The following EIF3E variants were observed in gnomAD, a reference collection of about 807,000 sequenced individuals.
The protein encoded by EIF3E is eIF-3 p48.
EIF3E carries 25 observed loss-of-function variants against 59.3 expected under a neutral mutation model. The ratio of observed to expected loss-of-function variants is 0.42; its 90% CI spans 0.31 to 0.59. The LOEUF (loss-of-function observed/expected upper bound fraction) is 0.59, where lower values mean the gene tolerates loss of function less well. Ranked by LOEUF, EIF3E falls within the 20% of genes least tolerant of loss-of-function variation. EIF3E has a pLI of 0.15. For missense variants in EIF3E, 317 were observed against 534.3 expected, an observed-to-expected ratio of 0.59 and a Z score of 4.01; for synonymous variants, 176 against 170.2, an observed-to-expected ratio of 1.03 and a Z score of -0.26.
intron 3 of EIF3E, among the ~76,000 whole-genome samples, chr8:108,237,118 A>T (rs1436608305): frequency 6.6e-6 from 1 of 152,258 alleles, no homozygotes; most frequent in Non-Finnish European, 1.5e-5. Flanking sequence ...ACCAAGTGCC[A>T]TATTTAATTT....
intron 5 of EIF3E, among the ~76,000 whole-genome samples, chr8:108,232,116 T>C (rs562698322): frequency 1.4e-4 from 22 of 152,268 alleles, no homozygotes; most frequent in Admixed American, 1.2e-3. Context: ...CCAAACAAGA[T>C]TTTTAGATTT....
At chr8:108,235,147 TTAAAACCCCATTGTAA>T (rs749060424) in intron 4 of EIF3E, 45 bp from the exon 5 acceptor site, 3 of 1,231,842 alleles carry the variant, frequency 2.4e-6, no homozygotes, top group Non-Finnish European at 2.2e-6. Flanking sequence ...ATTTAGAGTT[TTAAAACCCCATTGTAA>T]TTCATAAGTC....
intron 7 of EIF3E, among the ~76,000 whole-genome samples, chr8:108,219,662 G>C (rs1815368281): frequency 6.6e-6 from 1 of 151,964 alleles, no homozygotes; most frequent in South Asian, 2.1e-4. Context: ...GACTGCTTGA[G>C]CCCAGGAGTT....
chr8:108,225,153 G>A (rs1815495357), intron 7 of EIF3E, among the ~76,000 whole-genome samples: 4 of 151,530 alleles, frequency 2.6e-5, no homozygotes, highest in Admixed American at 1.3e-4. Flanking sequence ...AAGAATGGCA[G>A]ACAAACTAAA....
At position 108,201,841 on chromosome 8, in the gene EIF3E, T is replaced by C. The variant is rs1291712197; in HGVS notation, c.*44A>G. 3.5e-6 allele frequency: 5 copies of C among 1,427,600 alleles called. No individual in the cohort carries two copies. Among genetic ancestry groups the C allele is most frequent in the South Asian group, 3.3e-5 (2 of 61,172 alleles). 88.4% of individuals were successfully genotyped at this position (1,427,600 alleles called of 1,614,324 possible). A position where few individuals can be genotyped will look rare whatever the true frequency, so the allele number is the denominator to read the frequency against. ...TTTATATAATAGTTTTATTATTTCA[T>C]CTTTCTTTGATAGTTTTTTTTTTCA... On this transcript the variant is annotated 3_prime_UTR_variant, in exon 13 of 13. Transcript: ENST00000220849.
chr8:108,236,679 A>C (rs1244264261), intron 3 of EIF3E, among the ~76,000 whole-genome samples: 2 of 152,138 alleles, frequency 1.3e-5, no homozygotes, highest in Non-Finnish European at 2.9e-5. Context: ...CCCTCCTCCA[A>C]TCTGTTAATA....
chr8:108,248,025 T>TGG (rs371217842), intron 1 of EIF3E, among the ~76,000 whole-genome samples: 41 of 26,316 alleles, frequency 1.6e-3, no homozygotes, highest in East Asian at 4.5e-3. Flanking sequence ...GGATTTTTTC[T>TGG]GGGGGGGGGG....
chr8:108,248,514 C>T, intron 1 of EIF3E, 99 bp downstream of exon 1: 1 of 1,214,404 alleles, frequency 8.2e-7, no homozygotes, highest in Non-Finnish European at 1.2e-6. Context: ...TCGCGACCGC[C>T]TCGCACGTGT....
In EIF3E at chr8:108,239,193, T is replaced by C. The variant is rs143144848; in HGVS notation, c.323+765A>G. On this transcript the variant is annotated intron_variant, in intron 3 of 12. Transcript: ENST00000220849. ...AAGCACAGGGTTTCTTTTTTATTTT[T>C]TCCTGAGATGGTGTCTCATTATGTC... Among the ~76,000 whole-genome samples, 1,334 of 152,252 alleles carry C rather than the reference T, an allele frequency of 8.8e-3. 34 individuals carry two copies. The highest frequency in any genetic ancestry group is 0.031 in the African/African-American group (1,271 of 41,540).
At chr8:108,228,731 A>G (rs530416265) in intron 6 of EIF3E, among the ~76,000 whole-genome samples, 2 of 152,210 alleles carry the variant, frequency 1.3e-5, no homozygotes, top group African/African-American at 2.4e-5. Flanking sequence ...TTAATTAGAT[A>G]ATTGTAGATG....
intron 10 of EIF3E, among the ~76,000 whole-genome samples, chr8:108,206,543 A>T (rs1449440502): frequency 6.6e-6 from 1 of 151,992 alleles, no homozygotes; most frequent in East Asian, 1.9e-4. Context: ...GGCTGAGGCC[A>T]GAAGTCTGAG....
chr8:108,203,362 G>A (rs1256919662), intron 11 of EIF3E, 39 bp downstream of exon 11: 1 of 1,545,996 alleles, frequency 6.5e-7, no homozygotes, highest in Admixed American at 1.7e-5. Context: ...AGTATAATCA[G>A]GAACTGATAG....
chr8:108,206,102 C>T (rs1323917143), intron 10 of EIF3E, among the ~76,000 whole-genome samples: 4 of 152,004 alleles, frequency 2.6e-5, no homozygotes, highest in African/African-American at 9.7e-5. Flanking sequence ...TATAACATGC[C>T]AGCCAAACCA....
intron 5 of EIF3E, among the ~76,000 whole-genome samples, chr8:108,230,581 C>T (rs1380517963): frequency 6.6e-6 from 1 of 152,058 alleles, no homozygotes; most frequent in Non-Finnish European, 1.5e-5. Context: ...TTCTTCCTTT[C>T]AAATGTACTA....
intron 1 of EIF3E, chr8:108,242,600 T>C (rs1389459208): frequency 9.4e-6 from 11 of 1,169,158 alleles, no homozygotes; most frequent in Non-Finnish European, 1.2e-5. Context: ...AATGCCACAA[T>C]ATTTCACTGC....
chr8:108,224,858 T>C (rs1287775078), intron 7 of EIF3E, among the ~76,000 whole-genome samples: 1 of 151,600 alleles, frequency 6.6e-6, no homozygotes, highest in Admixed American at 6.6e-5. Context: ...CAAACTATAC[T>C]AGCAGTCCCT....
intron 10 of EIF3E, among the ~76,000 whole-genome samples, 171 bp downstream of exon 10, chr8:108,214,436 G>A (rs1026188923): frequency 1.1e-4 from 17 of 152,092 alleles, no homozygotes; most frequent in African/African-American, 3.6e-4. Context: ...TGAGCCTGTA[G>A]CAAAAGTTAG....
In EIF3E at chr8:108,219,839, A is replaced by T. The variant is rs990173436; in HGVS notation, c.723-2379T>A. 6.6e-5 allele frequency among the ~76,000 whole-genome samples: 10 copies of T among 151,836 alleles called. No homozygotes were observed. In the South Asian group the frequency reaches 1.9e-3, roughly 29 times the overall value. ...ACAGAGCAAGACCCTGCCTCAAAAA[A>T]AGAAAGAAAAAAGAAAATGTAGGCG... is the stretch of plus-strand genomic sequence containing the variant. On this transcript the variant is annotated intron_variant, in intron 7 of 12. Transcript: ENST00000220849.
intron 10 of EIF3E, among the ~76,000 whole-genome samples, chr8:108,210,802 T>C (rs1388278037): frequency 6.6e-6 from 1 of 151,848 alleles, no homozygotes; most frequent in Non-Finnish European, 1.5e-5. Flanking sequence ...TGTGTCCAAG[T>C]GTTCTCATTG....
Sources: allele counts gnomAD v4.1 joint callset (sites outside exome capture counted in the v4.1 genomes callset), GRCh38; gene constraint gnomAD v4.1.1; transcripts MANE v1.5; gene names NCBI Gene and HGNC (gene_info 2026-07-23, HGNC 2026-07-21).